HNRNPR: variants seen among roughly 807,000 people sequenced by gnomAD.
HNRNPR encodes the protein heterogeneous nuclear ribonucleoprotein R.
In HNRNPR, 4 loss-of-function variants were observed where a neutral mutation model predicts 70.3. That is an observed-to-expected ratio of 0.06 (90% CI 0.03 to 0.13). HNRNPR has a LOEUF of 0.13. Ranked by LOEUF, HNRNPR falls within the 10% of genes least tolerant of loss-of-function variation. The pLI is 1.00. For synonymous variants in HNRNPR, 241 were observed against 267.6 expected, an observed-to-expected ratio of 0.90 and a Z score of 0.97; for missense variants, 423 against 788.5, an observed-to-expected ratio of 0.54 and a Z score of 5.55.
At chr1:23,317,755 G>C (rs1468864546) in intron 8 of HNRNPR, among the ~76,000 whole-genome samples, 4 of 152,080 alleles carry the variant, frequency 2.6e-5, no homozygotes. Flanking sequence ...AGGCCAAGGC[G>C]GGTAGATCAT....
At chr1:23,328,976 C>T (rs997246575) in intron 5 of HNRNPR, among the ~76,000 whole-genome samples, 1 of 152,114 alleles carries the variant, frequency 6.6e-6, no homozygotes, top group South Asian at 2.1e-4. Context: ...AAAAAATTGG[C>T]TCAGTGTGGT....
intron 1 of HNRNPR, among the ~76,000 whole-genome samples, chr1:23,342,958 C>CA (rs886084140): frequency 6.6e-6 from 1 of 151,910 alleles, no homozygotes; most frequent in Admixed American, 6.6e-5. Context: ...TAAATTTTAA[C>CA]AAAAAAACCG....
chr1:23,338,604 C>T lies in HNRNPR; in HGVS notation c.162G>A (p.Leu54=), dbSNP rs759432850. The change falls in exon 3 of 11, where the codon TTG becomes TTA. Residue 54 remains leucine, a synonymous_variant. Coordinates refer to ENST00000302271, the MANE Select transcript of HNRNPR (RefSeq NM_005826.5). ...TTTCATCAAGATCGACATAAGCTACCAATCCTAAAAATTAAATTGAAAGGG... is the reference window on the plus strand; with the variant it reads ...TTTCATCAAGATCGACATAAGCTACTAATCCTAAAAATTAAATTGAAAGGG... ...ERLDEIFQTG[L]VAYVDLDERA... is the part of the protein sequence containing the mutation. 6 of 1,546,578 alleles carry T rather than the reference C, an allele frequency of 3.9e-6. No homozygotes were observed. The highest frequency in any genetic ancestry group is 5.3e-6 in the Non-Finnish European group (6 of 1,133,362).
At chr1:23,332,445 G>GT (rs1374205150) in intron 5 of HNRNPR, among the ~76,000 whole-genome samples, 1 of 151,030 alleles carries the variant, frequency 6.6e-6, no homozygotes, top group Non-Finnish European at 1.5e-5. Flanking sequence ...GCTCACGCCT[G>GT]TAATCCCAGC....
intron 2 of HNRNPR, among the ~76,000 whole-genome samples, chr1:23,340,048 A>C (rs541473990): frequency 1.3e-4 from 20 of 152,214 alleles, no homozygotes; most frequent in Non-Finnish European, 2.1e-4. Flanking sequence ...AAAAAAAAAA[A>C]ACAGCTATTT....
Position 23,318,342 on chromosome 1 carries a change from G to T in HNRNPR, c.1017+141C>A. ...ATACCAAGACAGGCTGTTAACTTTA[G>T]TGTTAAAGCCGCTCCTTGCCAAACA... is the stretch of plus-strand genomic sequence containing the variant. On this transcript the variant is annotated intron_variant, in intron 8 of 10. Transcript: ENST00000302271. This position sits in a 1 kb window ranked among gnomAD's most constrained non-coding sequence, Gnocchi z 4.2. The T allele has an allele frequency of 1.5e-6, 1 of 657,686 alleles. No homozygotes were observed. Among genetic ancestry groups the T allele is most frequent in the Non-Finnish European group, 2.6e-6 (1 of 384,100 alleles). The allele number at this position is 657,686 out of a possible 1,614,324, so 40.7% of individuals were successfully genotyped here.
In HNRNPR at chr1:23,321,656, C is replaced by T. The variant is rs1406065184; in HGVS notation, c.683G>A (p.Ser228Asn). The T allele has an allele frequency of 8.7e-6, 14 of 1,607,622 alleles. No individual in the cohort carries two copies. Among genetic ancestry groups the T allele is most frequent in the Non-Finnish European group, 1.2e-5 (14 of 1,176,752 alleles). Residue 228 changes from serine to asparagine, a missense_variant, in exon 7 of 11, where the codon AGC becomes AAC. This residue lies in a region of HNRNPR where 118 missense variants were observed against 239.3 expected (regional missense o/e 0.49). Transcript: ENST00000302271. ...GTGTTTACCAGGGCGAATTTCATAG[C>T]TGTCACACTGCAATAAGAAAAGAAC... ...AAQEAVKLCD[S>N]YEIRPGKHLG...
intron 8 of HNRNPR, among the ~76,000 whole-genome samples, chr1:23,317,775 A>C (rs976695583): frequency 2.4e-4 from 37 of 152,034 alleles, no homozygotes; most frequent in African/African-American, 8.7e-4. Context: ...TGAGCTTAGG[A>C]GTTCGAGACC....
At chr1:23,322,332 T>A (rs535316681) in intron 6 of HNRNPR, among the ~76,000 whole-genome samples, 2 of 152,190 alleles carry the variant, frequency 1.3e-5, no homozygotes, top group East Asian at 3.9e-4. Flanking sequence ...ACCTCCTGGG[T>A]TGAAGTGATT....
At chr1:23,326,651 G>A (rs1263057584) in intron 5 of HNRNPR, among the ~76,000 whole-genome samples, 4 of 152,184 alleles carry the variant, frequency 2.6e-5, no homozygotes, top group Non-Finnish European at 2.9e-5. Flanking sequence ...CAGGCATGGT[G>A]GCAGGCACCT....
rs1645260120 is a variant in HNRNPR at position 23,309,543 on chromosome 1, G to C, written c.*911C>G. On this transcript the variant is annotated 3_prime_UTR_variant, in exon 11 of 11. Transcript: ENST00000302271. ...ACCTGTTTTTTTTTTTTTAATAAAA[G>C]ATAAAATTTCAAAATTAGAAGAGAC... The C allele has an allele frequency of 6.7e-6, 1 of 150,250 alleles. No homozygotes were observed. Among genetic ancestry groups the C allele is most frequent in the Admixed American group, 6.6e-5 (1 of 15,112 alleles). 9.3% of individuals were successfully genotyped at this position (150,250 alleles called of 1,614,324 possible).
At chr1:23,313,284 A>G (rs1310495093) in intron 9 of HNRNPR, among the ~76,000 whole-genome samples, 1 of 152,174 alleles carries the variant, frequency 6.6e-6, no homozygotes, top group Non-Finnish European at 1.5e-5. Flanking sequence ...TATACCTTGT[A>G]ATACTTCCAA....
In HNRNPR at chr1:23,318,283, T is replaced by C. The variant is rs1346434603; in HGVS notation, c.1017+200A>G. Reference sequence around the variant, plus strand: ...TTCAGTTCCTTTTGCACATTTAATCTGCAGGAAAAGGGATTGTTAATGGAA... The same window carrying C: ...TTCAGTTCCTTTTGCACATTTAATCCGCAGGAAAAGGGATTGTTAATGGAA... On this transcript the variant is annotated intron_variant, in intron 8 of 10. Coordinates refer to ENST00000302271, the MANE Select transcript of HNRNPR (RefSeq NM_005826.5). The surrounding 1 kb of genome is among the most constrained non-coding windows in gnomAD (Gnocchi z 4.2). Among the ~76,000 whole-genome samples, 2 of 152,132 alleles carry C rather than the reference T, an allele frequency of 1.3e-5. No homozygotes were observed. Among genetic ancestry groups the C allele is most frequent in the Non-Finnish European group, 2.9e-5 (2 of 68,010 alleles).
intron 6 of HNRNPR, among the ~76,000 whole-genome samples, chr1:23,321,946 T>C (rs1019624801): frequency 2.0e-5 from 3 of 152,160 alleles, no homozygotes; most frequent in African/African-American, 7.2e-5. Context: ...TATCTGAAAA[T>C]GTTTTTCCAC....
Position 23,306,069 on chromosome 1 carries a change from C to T in HNRNPR, c.*4385G>A, listed in dbSNP as rs545291704. ...ATGCATTATATGTTAATCTATCCAA[C>T]AAAATATAGAAAATATAATACTAGA... On this transcript the variant is annotated 3_prime_UTR_variant, in exon 11 of 11. Transcript: ENST00000302271. 1 of 152,136 alleles carries T rather than the reference C, an allele frequency of 6.6e-6. No homozygotes were observed. The highest frequency in any genetic ancestry group is 2.1e-4 in the South Asian group (1 of 4,818). 9.4% of individuals were successfully genotyped at this position (152,136 alleles called of 1,614,324 possible).
In HNRNPR at chr1:23,310,450, T is replaced by A; in HGVS notation, c.*4A>T. 1 of 1,580,074 alleles carries A rather than the reference T, an allele frequency of 6.3e-7. No individual in the cohort carries two copies. The highest frequency in any genetic ancestry group is 1.2e-5 in the South Asian group (1 of 85,450). ...GCCAGTATCATTTTCAAGCCCTTAC[T>A]TGTCTACTTCCACTGTTGCCCATAA... On this transcript the variant is annotated 3_prime_UTR_variant, in exon 11 of 11. Coordinates refer to ENST00000302271, the MANE Select transcript of HNRNPR (RefSeq NM_005826.5). This position sits in a 1 kb window ranked among gnomAD's most constrained non-coding sequence, Gnocchi z 6.0.
chr1:23,323,317 T>C (rs755658213), intron 6 of HNRNPR, among the ~76,000 whole-genome samples: 4 of 152,216 alleles, frequency 2.6e-5, no homozygotes, highest in African/African-American at 4.8e-5. Context: ...ATCAATCTAA[T>C]AGATAACTTC....
chr1:23,317,387 G>A (rs887998381), intron 8 of HNRNPR, among the ~76,000 whole-genome samples: 1 of 152,062 alleles, frequency 6.6e-6, no homozygotes, highest in African/African-American at 2.4e-5. Context: ...GAACCCAGGA[G>A]GCAGAGCTTG....
At chr1:23,324,222 T>C (rs929558224) in intron 5 of HNRNPR, among the ~76,000 whole-genome samples, 1 of 151,884 alleles carries the variant, frequency 6.6e-6, no homozygotes, top group African/African-American at 2.4e-5. Flanking sequence ...GAATAAAAGA[T>C]TGACATAGCT....
Sources: gnomAD v4.1 joint callset for allele counts (sites outside exome capture counted in the v4.1 genomes callset) on GRCh38, gnomAD v4.1.1 for gene constraint, gnomAD v4.1.1 regional missense constraint, Gnocchi (gnomAD v3.1) non-coding constraint, MANE v1.5 for transcripts, NCBI Gene and HGNC (gene_info 2026-07-23, HGNC 2026-07-21) for gene names.